The following B3GALT1 variants were observed in gnomAD, a reference collection of about 807,000 sequenced individuals.
The protein encoded by B3GALT1 is beta-1,3-galactosyltransferase 1.
B3GALT1 carries 10 observed loss-of-function variants against 23.2 expected under a neutral mutation model. The ratio of observed to expected loss-of-function variants is 0.43; its 90% CI spans 0.27 to 0.73. The LOEUF is 0.73. Among genes scored for constraint, B3GALT1 ranks in the 30% least tolerant of loss-of-function variants. B3GALT1 has a pLI of 0.21. For synonymous variants in B3GALT1, 156 were observed against 141.5 expected (o/e 1.10, Z -0.73); for missense variants, 299 against 405.4 (o/e 0.74, Z 2.25).
Position 167,395,786 on chromosome 2 carries a change from A to G in B3GALT1, c.-510-94391A>G, listed in dbSNP as rs550626724. On this transcript the variant is annotated intron_variant, in intron 1 of 4. Coordinates refer to ENST00000392690, the MANE Select transcript of B3GALT1 (RefSeq NM_020981.4). The stretch of plus-strand genomic sequence containing the variant: ...TCAAGAAGATAATTCATACTTCTTG[A>G]AAAAAAAATCAAATACAAAAATAAA... Among the ~76,000 whole-genome samples the G allele has an allele frequency of 2.0e-5, 3 of 150,432 alleles. No individual in the cohort carries two copies. The South Asian group carries it at 6.3e-4, about 32-fold the overall frequency.
At chr2:167,584,439 G>C (rs1262867999) in intron 2 of B3GALT1, among the ~76,000 whole-genome samples, 3 of 152,134 alleles carry the variant, frequency 2.0e-5, no homozygotes, top group Admixed American at 1.3e-4. Context: ...ATTCAGCACA[G>C]TCATACACTT....
At chr2:167,811,879 C>T (rs746064329) in intron 3 of B3GALT1, among the ~76,000 whole-genome samples, 1 of 152,164 alleles carries the variant, frequency 6.6e-6, no homozygotes, top group Non-Finnish European at 1.5e-5. Context: ...AGATGCCATC[C>T]TTTAAATTAA....
intron 2 of B3GALT1, among the ~76,000 whole-genome samples, chr2:167,585,603 G>A (rs543366273): frequency 3.9e-5 from 6 of 152,226 alleles, no homozygotes; most frequent in East Asian, 1.9e-4. Context: ...TTGAACATTC[G>A]CTTTGGAAAA....
intron 1 of B3GALT1, among the ~76,000 whole-genome samples, chr2:167,320,345 A>G (rs1021029689): frequency 2.6e-5 from 4 of 151,892 alleles, no homozygotes; most frequent in Admixed American, 2.6e-4. Context: ...GCACACCACC[A>G]TACCTGGCTA....
intron 2 of B3GALT1, among the ~76,000 whole-genome samples, chr2:167,563,098 CT>C (rs1004222298): frequency 2.6e-5 from 4 of 152,128 alleles, no homozygotes; most frequent in Non-Finnish European, 5.9e-5. Context: ...TTCTCCCCAC[CT>C]TTCCCCCCCT....
intron 3 of B3GALT1, among the ~76,000 whole-genome samples, chr2:167,701,936 A>G (rs544511263): frequency 1.3e-5 from 2 of 152,288 alleles, no homozygotes; most frequent in East Asian, 1.9e-4. Context: ...TTTCTCATCC[A>G]TTTCAAATTA....
chr2:167,455,075 C>T (rs890619892), intron 1 of B3GALT1, among the ~76,000 whole-genome samples: 3 of 152,176 alleles, frequency 2.0e-5, no homozygotes, highest in African/African-American at 7.2e-5. Flanking sequence ...ATTCCATGTA[C>T]GTAAGTTCAA....
chr2:167,441,758 G>A (rs1481476218), intron 1 of B3GALT1, among the ~76,000 whole-genome samples: 1 of 151,938 alleles, frequency 6.6e-6, no homozygotes, highest in Non-Finnish European at 1.5e-5. Context: ...CTGGGCAGGG[G>A]GGCATGCACC....
intron 1 of B3GALT1, among the ~76,000 whole-genome samples, chr2:167,351,559 AG>A (rs1021032587): frequency 1.2e-4 from 18 of 152,236 alleles, no homozygotes; most frequent in African/African-American, 3.4e-4. Context: ...GATGTGGTGT[AG>A]CAAAGCAACT....
intron 3 of B3GALT1, among the ~76,000 whole-genome samples, chr2:167,747,076 G>T (rs72876877): frequency 6.6e-6 from 1 of 151,914 alleles, no homozygotes; most frequent in African/African-American, 2.4e-5. Context: ...GCATTGTGTC[G>T]ACATTTTTCC....
intron 1 of B3GALT1, among the ~76,000 whole-genome samples, chr2:167,386,794 TTAGCC>T (rs1474755851): frequency 1.3e-5 from 2 of 152,158 alleles, no homozygotes. Flanking sequence ...AGAGAAGTCT[TTAGCC>T]AATCTTTCTT....
At chr2:167,734,220 A>G (rs1444038390) in intron 3 of B3GALT1, among the ~76,000 whole-genome samples, 1 of 152,200 alleles carries the variant, frequency 6.6e-6, no homozygotes, top group African/African-American at 2.4e-5. Context: ...GAAACTCCCT[A>G]TGATACTTTC....
At chr2:167,624,531 G>A (rs1329070135) in intron 2 of B3GALT1, among the ~76,000 whole-genome samples, 2 of 152,060 alleles carry the variant, frequency 1.3e-5, no homozygotes, top group Non-Finnish European at 2.9e-5. Flanking sequence ...ACAGACATGA[G>A]CGTTTTATTT....
intron 3 of B3GALT1, among the ~76,000 whole-genome samples, chr2:167,798,670 G>A (rs1043436159): frequency 1.3e-5 from 2 of 152,158 alleles, no homozygotes; most frequent in African/African-American, 4.8e-5. Flanking sequence ...GTTCCATGCT[G>A]TTTTGGTTAC....
At chr2:167,571,886 A>C (rs1017074135) in intron 2 of B3GALT1, among the ~76,000 whole-genome samples, 1 of 151,908 alleles carries the variant, frequency 6.6e-6, no homozygotes, top group African/African-American at 2.4e-5. Flanking sequence ...ATAACTATGG[A>C]AACAATCAGT....
At chr2:167,452,034 C>G (rs1253271393) in intron 1 of B3GALT1, among the ~76,000 whole-genome samples, 1 of 152,148 alleles carries the variant, frequency 6.6e-6, no homozygotes, top group African/African-American at 2.4e-5. Context: ...ACCATGCCTC[C>G]CCAACAGCAC....
At chr2:167,605,328 G>T (rs1400130857) in intron 2 of B3GALT1, among the ~76,000 whole-genome samples, 1 of 152,214 alleles carries the variant, frequency 6.6e-6, no homozygotes, top group African/African-American at 2.4e-5. Context: ...TTCTGAGTAT[G>T]TGGATTATGT....
rs530788901 is a variant in B3GALT1, at chr2:167,555,334, T to A, written c.-410+65057T>A. Among the ~76,000 whole-genome samples the A allele has an allele frequency of 3.3e-5, 5 of 152,304 alleles. No homozygotes were observed. In the South Asian group the frequency reaches 8.3e-4, roughly 25 times the overall value. ...ATAGTGAGTGTCCTTATCTCTGAGT[T>A]CAGAAGTAACTTGCCCTCAGGTCAC... On this transcript the variant is annotated intron_variant, in intron 2 of 4. Transcript: ENST00000392690.
intron 1 of B3GALT1, among the ~76,000 whole-genome samples, chr2:167,475,149 G>A (rs577717581): frequency 6.6e-6 from 1 of 152,228 alleles, no homozygotes; most frequent in Admixed American, 6.5e-5. Context: ...CGGAAATCAA[G>A]TTCTAAGTTT....
Sources: allele counts gnomAD v4.1 joint callset (sites outside exome capture counted in the v4.1 genomes callset), GRCh38; gene constraint gnomAD v4.1.1; transcripts MANE v1.5; gene names NCBI Gene and HGNC (gene_info 2026-07-23, HGNC 2026-07-21).